The following DLG2 variants were observed in gnomAD, a reference collection of about 807,000 sequenced individuals.
The protein encoded by DLG2 is discs large MAGUK scaffold protein 2.
In DLG2, 45 loss-of-function variants were observed where a neutral mutation model predicts 132.5. That is an observed-to-expected ratio of 0.34 (90% CI 0.27 to 0.44). DLG2 has a LOEUF of 0.44. DLG2 is among the 20% of genes least tolerant of loss of function. DLG2 has a pLI of 1.00. For missense variants in DLG2, 1,045 were observed against 1,196.9 expected (o/e 0.87, Z 1.87); for synonymous variants, 424 against 419.6 (o/e 1.01, Z -0.13).
intron 10 of DLG2, among the ~76,000 whole-genome samples, chr11:84,094,285 T>C (rs2097136881): frequency 6.6e-6 from 1 of 152,202 alleles, no homozygotes; most frequent in Admixed American, 6.5e-5. Context: ...ACACTTTAAA[T>C]GAGCTAATGT....
chr11:85,392,896 C>T (rs1375481240), intron 3 of DLG2, among the ~76,000 whole-genome samples: 2 of 152,036 alleles, frequency 1.3e-5, no homozygotes, highest in Non-Finnish European at 1.5e-5. Flanking sequence ...TCGGAAAAAC[C>T]CTTCTAGACA....
intron 6 of DLG2, among the ~76,000 whole-genome samples, chr11:84,607,368 C>A (rs2099587676): frequency 6.6e-6 from 1 of 152,038 alleles, no homozygotes; most frequent in African/African-American, 2.4e-5. Flanking sequence ...TTGAGAAAGC[C>A]ACATAAAACC....
chr11:83,630,183 C>T (rs1169316827), intron 19 of DLG2, among the ~76,000 whole-genome samples: 2 of 152,072 alleles, frequency 1.3e-5, no homozygotes, highest in African/African-American at 4.8e-5. Flanking sequence ...TGCTGGTTAC[C>T]ACTCCCTTCA....
At chr11:83,696,962 T>C (rs1200852112) in intron 18 of DLG2, among the ~76,000 whole-genome samples, 9 of 152,254 alleles carry the variant, frequency 5.9e-5, no homozygotes, top group Admixed American at 4.6e-4. Flanking sequence ...TGTGGTTCAA[T>C]GCTGCTAAAA....
intron 8 of DLG2, among the ~76,000 whole-genome samples, chr11:84,203,898 A>G (rs1287261792): frequency 6.6e-6 from 1 of 152,164 alleles, no homozygotes. Flanking sequence ...CCTATGTAAC[A>G]AGTCTGCACA....
intron 6 of DLG2, among the ~76,000 whole-genome samples, chr11:84,816,735 T>C (rs1200025320): frequency 6.6e-6 from 1 of 151,924 alleles, no homozygotes; most frequent in Non-Finnish European, 1.5e-5. Flanking sequence ...GGAACTAAAA[T>C]AAAGATCTAA....
At chr11:84,495,941 TGTG>T (rs2099182001) in intron 7 of DLG2, among the ~76,000 whole-genome samples, 1 of 152,128 alleles carries the variant, frequency 6.6e-6, no homozygotes, top group Non-Finnish European at 1.5e-5. Context: ...TCTCCCCACT[TGTG>T]GTGGCTTTCA....
chr11:84,069,297 G>T (rs1343578385), intron 10 of DLG2, among the ~76,000 whole-genome samples: 1 of 152,178 alleles, frequency 6.6e-6, no homozygotes, highest in Non-Finnish European at 1.5e-5. Flanking sequence ...TCAATCTTAT[G>T]TAGACCCAAC....
In DLG2 at chr11:83,678,316, A is replaced by G. The variant is rs191990379; in HGVS notation, c.1826-44991T>C. Among the ~76,000 whole-genome samples the G allele has an allele frequency of 4.5e-4, 69 of 152,326 alleles. No homozygotes were observed. The East Asian group carries it at 0.012, about 27-fold the overall frequency. Reference sequence around the variant, plus strand: ...AGTGGAATTTTAGTTTACTACTCTGAAATAGAAGTAAATGTTCTGCAACTC... The same window carrying G: ...AGTGGAATTTTAGTTTACTACTCTGGAATAGAAGTAAATGTTCTGCAACTC... On this transcript the variant is annotated intron_variant, in intron 18 of 27. Transcript: ENST00000376104.
chr11:85,156,932 T>C (rs2077629252), intron 4 of DLG2, among the ~76,000 whole-genome samples: 1 of 152,242 alleles, frequency 6.6e-6, no homozygotes, highest in South Asian at 2.1e-4. Flanking sequence ...GACTGAAGGA[T>C]GTAAAGTATT....
intron 19 of DLG2, among the ~76,000 whole-genome samples, chr11:83,573,898 G>A (rs866511539): frequency 6.6e-6 from 1 of 152,146 alleles, no homozygotes; most frequent in Non-Finnish European, 1.5e-5. Flanking sequence ...GCAAGCTTTT[G>A]ATATGGATAG....
At chr11:84,713,975 T>A (rs1159142798) in intron 6 of DLG2, among the ~76,000 whole-genome samples, 2 of 152,046 alleles carry the variant, frequency 1.3e-5, no homozygotes, top group Admixed American at 1.3e-4. Context: ...AAATGCAGAC[T>A]CAACATGATT....
Position 85,549,292 on chromosome 11 carries a change from G to T in DLG2, c.40+49365C>A, listed in dbSNP as rs150486543. Among the ~76,000 whole-genome samples the T allele has an allele frequency of 8.5e-4, 130 of 152,106 alleles. 3 individuals carry two copies. The East Asian group carries it at 0.022, about 26-fold the overall frequency. The stretch of plus-strand genomic sequence containing the variant: ...GTGACGCCCCACCCTGCTTCCACTC[G>T]CCCTCCTTGGGCTGCAACCACTGTC... On this transcript the variant is annotated intron_variant, in intron 3 of 27. Transcript: ENST00000376104.
In DLG2 at chr11:85,539,472, T is replaced by C. The variant is rs1344438212; in HGVS notation, c.40+59185A>G. ...ATTTCCTCCCCTATGACAGAAAGTATAATAATAGTTTCCAGGTACTAAGGA... is the reference window on the plus strand; with the variant it reads ...ATTTCCTCCCCTATGACAGAAAGTACAATAATAGTTTCCAGGTACTAAGGA... On this transcript the variant is annotated intron_variant, in intron 3 of 27. Coordinates refer to ENST00000376104, the MANE Select transcript of DLG2 (RefSeq NM_001142699.3). Among the ~76,000 whole-genome samples, 5 of 152,182 alleles carry C rather than the reference T, an allele frequency of 3.3e-5. No homozygotes were observed. The South Asian group carries it at 8.3e-4, about 25-fold the overall frequency.
chr11:84,811,209 C>T (rs1311451505), intron 6 of DLG2, among the ~76,000 whole-genome samples: 1 of 152,140 alleles, frequency 6.6e-6, no homozygotes, highest in Admixed American at 6.6e-5. Flanking sequence ...ACTTCCACCT[C>T]ACCTCCTGTA....
At chr11:84,603,505 AATCT>A (rs1422476373) in intron 6 of DLG2, among the ~76,000 whole-genome samples, 1 of 151,960 alleles carries the variant, frequency 6.6e-6, no homozygotes, top group Non-Finnish European at 1.5e-5. Flanking sequence ...GGATGCAATC[AATCT>A]AAGAGCCATT....
chr11:83,679,745 T>C (rs1471821673), intron 18 of DLG2, among the ~76,000 whole-genome samples: 2 of 152,220 alleles, frequency 1.3e-5, no homozygotes, highest in Non-Finnish European at 2.9e-5. Flanking sequence ...CTAAACAGTA[T>C]ACTATTTGCT....
chr11:84,625,151 C>A (rs547246034), intron 6 of DLG2, among the ~76,000 whole-genome samples: 3 of 151,964 alleles, frequency 2.0e-5, no homozygotes, highest in Admixed American at 6.5e-5. Flanking sequence ...TGAGCCACCG[C>A]GCCCGGCCCG....
intron 16 of DLG2, among the ~76,000 whole-genome samples, chr11:83,854,789 A>G (rs1336269948): frequency 1.3e-5 from 2 of 152,160 alleles, no homozygotes; most frequent in Non-Finnish European, 2.9e-5. Flanking sequence ...TGTTTTTAAC[A>G]TATGTAAACA....
Sources: gnomAD v4.1 joint callset for allele counts (sites outside exome capture counted in the v4.1 genomes callset) on GRCh38, gnomAD v4.1.1 for gene constraint, MANE v1.5 for transcripts, NCBI Gene and HGNC (gene_info 2026-07-23, HGNC 2026-07-21) for gene names.